The following SOX5 variants were observed in gnomAD, a reference collection of about 807,000 sequenced individuals.
SOX5 encodes the protein transcription factor SOX-5.
A neutral mutation model predicts 92.0 loss-of-function variants in SOX5; 9 were observed. The observed-to-expected ratio is 0.10, with a 90% CI of 0.06 to 0.17. The LOEUF (loss-of-function observed/expected upper bound fraction) is 0.17. Ranked by LOEUF, SOX5 falls within the 10% of genes least tolerant of loss-of-function variation. The pLI, the probability that SOX5 is intolerant of heterozygous loss-of-function variation, is 1.00. For synonymous variants in SOX5, 344 were observed against 336.3 expected, an observed-to-expected ratio of 1.02 and a Z score of -0.25; for missense variants, 642 against 944.5, an observed-to-expected ratio of 0.68 and a Z score of 4.20.
At chr12:23,973,886 A>G (rs1948627334) in intron 4 of SOX5, among the ~76,000 whole-genome samples, 1 of 152,186 alleles carries the variant, frequency 6.6e-6, no homozygotes, top group African/African-American at 2.4e-5. Flanking sequence ...ATGAGAATCT[A>G]ACTAATGCTT....
chr12:24,080,227 T>C (rs1943158159), intron 4 of SOX5, among the ~76,000 whole-genome samples: 1 of 151,964 alleles, frequency 6.6e-6, no homozygotes, highest in South Asian at 2.1e-4. Context: ...CTGTGTATTT[T>C]AGTCAGAAAC....
At chr12:23,938,627 A>C (rs1943066373) in intron 1 of SOX5, among the ~76,000 whole-genome samples, 1 of 150,972 alleles carries the variant, frequency 6.6e-6, no homozygotes, top group African/African-American at 2.4e-5. Context: ...TAAATCAGCA[A>C]ATTCATTACT....
chr12:24,067,908 G>A (rs1941039562), intron 4 of SOX5, among the ~76,000 whole-genome samples: 1 of 152,240 alleles, frequency 6.6e-6, no homozygotes, highest in African/African-American at 2.4e-5. Flanking sequence ...ACTATGGGAG[G>A]CCGAGGCGGG....
intron 1 of SOX5, among the ~76,000 whole-genome samples, chr12:24,515,526 C>A (rs1949702808): frequency 6.6e-6 from 1 of 152,168 alleles, no homozygotes; most frequent in Non-Finnish European, 1.5e-5. Flanking sequence ...CACAGACACT[C>A]TAGCAATTTT....
rs12827078 is a variant in SOX5, at chr12:24,104,547, G to A, written c.-2+108796C>T. Among the ~76,000 whole-genome samples, 742 of 152,332 alleles carry A rather than the reference G, an allele frequency of 4.9e-3. 4 individuals carry two copies. Among genetic ancestry groups the A allele is most frequent in the Non-Finnish European group, 6.3e-3 (426 of 68,020 alleles). On this transcript the variant is annotated intron_variant, in intron 4 of 4. Transcript: ENST00000446891. ...ATTTATAGTATCTAGGGCATATAGA[G>A]AATGCTTGGTGACATCATTATCATT...
chr12:23,811,987 T>C (rs939669135), intron 3 of SOX5, among the ~76,000 whole-genome samples: 1 of 152,108 alleles, frequency 6.6e-6, no homozygotes, highest in Non-Finnish European at 1.5e-5. Flanking sequence ...CATTAACTTA[T>C]AGTTAGTTAC....
intron 4 of SOX5, among the ~76,000 whole-genome samples, chr12:24,212,817 TAG>T (rs1958778046): frequency 6.6e-6 from 1 of 152,220 alleles, no homozygotes; most frequent in African/African-American, 2.4e-5. Flanking sequence ...TCATACATGG[TAG>T]TCAATATTCT....
At chr12:23,632,741 T>A (rs905963166) in intron 8 of SOX5, among the ~76,000 whole-genome samples, 1 of 152,078 alleles carries the variant, frequency 6.6e-6, no homozygotes, top group African/African-American at 2.4e-5. Context: ...ATACCTATGA[T>A]TGCTATGAAA....
intron 4 of SOX5, among the ~76,000 whole-genome samples, chr12:24,107,461 T>C (rs977180187): frequency 9.2e-5 from 14 of 152,214 alleles, no homozygotes; most frequent in Non-Finnish European, 1.6e-4. Context: ...TTTGTCTTTA[T>C]AGGGTATACA....
chr12:23,751,830 C>A (rs2094189657), intron 4 of SOX5, among the ~76,000 whole-genome samples: 1 of 151,920 alleles, frequency 6.6e-6, no homozygotes, highest in Non-Finnish European at 1.5e-5. Flanking sequence ...ATGCCCCTGG[C>A]ACTTTTGCTA....
chr12:23,683,821 T>A (rs189006325), intron 6 of SOX5, among the ~76,000 whole-genome samples: 2 of 152,010 alleles, frequency 1.3e-5, no homozygotes, highest in African/African-American at 4.8e-5. Flanking sequence ...TAACACCCCA[T>A]TGGTTGATAA....
intron 1 of SOX5, among the ~76,000 whole-genome samples, chr12:23,911,119 A>T (rs984165943): frequency 6.6e-6 from 1 of 152,062 alleles, no homozygotes; most frequent in African/African-American, 2.4e-5. Context: ...GAAATACAGA[A>T]GAAAAACAAA....
intron 4 of SOX5, among the ~76,000 whole-genome samples, chr12:23,754,569 C>T (rs891667024): frequency 3.3e-5 from 5 of 151,876 alleles, no homozygotes; most frequent in African/African-American, 4.8e-5. Context: ...AGCCTAAATA[C>T]ATGTAATTCC....
intron 2 of SOX5, among the ~76,000 whole-genome samples, chr12:24,315,029 TTAA>T (rs1271123111): frequency 7.9e-5 from 12 of 152,336 alleles, no homozygotes; most frequent in African/African-American, 2.9e-4. Flanking sequence ...AATGGATTAA[TTAA>T]TGAGTTAATG....
chr12:24,390,489 T>A (rs1480227267), intron 1 of SOX5, among the ~76,000 whole-genome samples: 1 of 152,168 alleles, frequency 6.6e-6, no homozygotes, highest in Non-Finnish European at 1.5e-5. Flanking sequence ...ATGGATATAT[T>A]GCATAGTGAT....
At chr12:23,695,940 CAAAAAAAAAAAAA>C (rs71059917) in intron 6 of SOX5, among the ~76,000 whole-genome samples, 2 of 11,924 alleles carry the variant, frequency 1.7e-4, no homozygotes, top group Admixed American at 1.3e-3. Context: ...GACTCTGTCT[CAAAAAAAAAAAAA>C]AAAAAAAAAA....
chr12:23,779,795 A>G (rs1240537675), intron 3 of SOX5, among the ~76,000 whole-genome samples: 3 of 89,518 alleles, frequency 3.4e-5, no homozygotes. Context: ...TAAAATATAT[A>G]TATATATATA....
At chr12:24,332,129 C>G (rs893753690) in intron 2 of SOX5, among the ~76,000 whole-genome samples, 10 of 151,864 alleles carry the variant, frequency 6.6e-5, no homozygotes, top group Non-Finnish European at 1.3e-4. Flanking sequence ...AAAGATAAAT[C>G]TTATGAATGA....
In SOX5 at chr12:24,160,594, G is replaced by A. The variant is rs144090887; in HGVS notation, c.-2+52749C>T. On this transcript the variant is annotated intron_variant, in intron 4 of 4. Transcript: ENST00000446891. Reference sequence around the variant, plus strand: ...ATTGATTCAAGAGAAGGGACTGGACGAAGGAAGGTTAAAGATAAAGAAGGC... The same window carrying A: ...ATTGATTCAAGAGAAGGGACTGGACAAAGGAAGGTTAAAGATAAAGAAGGC... Among the ~76,000 whole-genome samples the A allele has an allele frequency of 4.2e-3, 643 of 152,054 alleles. 1 individual carries two copies. The highest frequency in any genetic ancestry group is 0.014 in the African/African-American group (591 of 41,528).
Sources: allele counts gnomAD v4.1 joint callset (sites outside exome capture counted in the v4.1 genomes callset), GRCh38; gene constraint gnomAD v4.1.1; transcripts MANE v1.5; gene names NCBI Gene and HGNC (gene_info 2026-07-23, HGNC 2026-07-21).